Variants in NEB observed in about 807,000 individuals in gnomAD.
NEB encodes the protein nebulin.
Under a neutral mutation model 952.2 loss-of-function variants are expected in NEB, and 512 were observed. The observed-to-expected ratio is 0.54, with a 90% CI of 0.50 to 0.58. NEB has a LOEUF of 0.58. Among genes scored for constraint, NEB ranks in the 20% least tolerant of loss-of-function variants. NEB has a pLI of 0.00. For synonymous variants in NEB, 2,900 were observed against 3,149.8 expected (o/e 0.92, Z 2.66); for missense variants, 8,428 against 9,231.1 (o/e 0.91, Z 3.56).
intron 133 of NEB, 63 bp from the exon 134 acceptor site, chr2:151,546,506 A>G (rs1299155534): frequency 2.7e-5 from 27 of 992,004 alleles, no homozygotes; most frequent in Non-Finnish European, 4.2e-5. Context: ...AACACAAAAG[A>G]TGGAGTAGCA....
intron 28 of NEB, among the ~76,000 whole-genome samples, chr2:151,683,866 T>C (rs1457393920): frequency 6.6e-6 from 1 of 152,254 alleles, no homozygotes; most frequent in East Asian, 1.9e-4. Context: ...ATCGATACAA[T>C]AGAATATTAT....
chr2:151,716,866 C>T (rs992922198), intron 10 of NEB, among the ~76,000 whole-genome samples: 2 of 152,216 alleles, frequency 1.3e-5, no homozygotes, highest in African/African-American at 4.8e-5. Flanking sequence ...ATCAGCTAAG[C>T]ATCTGTCTCT....
Position 151,547,476 on chromosome 2 carries a change from T to C in NEB, c.20320A>G (p.Thr6774Ala). ...TAGCGGCAATGGATCACTTGGGGTG[T>C]GTATGGCAGAGAGATCATGTGGCCC... Reference protein sequence around the residue: ...MQGHMISLPYTPQVIHCRYVG... With the variant: ...MQGHMISLPYAPQVIHCRYVG... Residue 6774 changes from threonine (T) to alanine (A), a missense_variant, in exon 133 of 182, where the codon ACA (threonine) becomes GCA (alanine). Around this residue, in one of 11 missense-constraint regions of NEB, gnomAD observed 3,374 missense variants for 3,651.5 expected, o/e 0.92. Coordinates refer to ENST00000397345, the MANE Select transcript of NEB (RefSeq NM_001164508.2). 2 of 1,607,774 alleles carry C rather than the reference T, an allele frequency of 1.2e-6. No individual in the cohort carries two copies. The highest frequency in any genetic ancestry group is 2.2e-5 in the East Asian group (1 of 44,654).
chr2:151,670,683 A>G (rs1389817820), intron 38 of NEB, among the ~76,000 whole-genome samples: 1 of 152,232 alleles, frequency 6.6e-6, no homozygotes, highest in East Asian at 1.9e-4. Context: ...TGCAACCAAG[A>G]GCAATAAATA....
chr2:151,662,693 C>A (rs1284883066), intron 45 of NEB, among the ~76,000 whole-genome samples: 2 of 152,268 alleles, frequency 1.3e-5, no homozygotes, highest in South Asian at 2.1e-4. Context: ...ACTATGCTGA[C>A]CTTTCTTATA....
At chr2:151,576,485 C>CATATATATATATATATATATAT (rs1167680131) in intron 105 of NEB, 131 bp from the exon 106 acceptor site, 2 of 54,188 alleles carry the variant, frequency 3.7e-5, no homozygotes, top group African/African-American at 1.7e-4. Context: ...AACATAAATA[C>CATATATATATATATATATATAT]ATATATATAT....
At chr2:151,518,807 G>A (rs2079868291) in intron 155 of NEB, among the ~76,000 whole-genome samples, 158 bp downstream of exon 155, 1 of 152,176 alleles carries the variant, frequency 6.6e-6, no homozygotes, top group African/African-American at 2.4e-5. Flanking sequence ...AGAATTGGTA[G>A]ATTAATGTTG....
chr2:151,660,491 T>C (rs760602745), intron 46 of NEB, among the ~76,000 whole-genome samples: 1 of 152,232 alleles, frequency 6.6e-6, no homozygotes, highest in Non-Finnish European at 1.5e-5. Flanking sequence ...GAAACTCCCT[T>C]ACAGATATTG....
intron 67 of NEB, among the ~76,000 whole-genome samples, chr2:151,629,937 G>T (rs1377390225): frequency 6.6e-6 from 1 of 151,478 alleles, no homozygotes; most frequent in Admixed American, 6.6e-5. Context: ...TATCAGCATA[G>T]ATCAATACAA....
In NEB at chr2:151,570,139, C is replaced by T. The variant is rs780600292; in HGVS notation, c.17372G>A (p.Cys5791Tyr). ...AATCACATCGTTCTGGTCGGGCATG[C>T]AGGTCCACTGGTGCAGGTAATTGCG... ...DYRNYLHQWT[C>Y]MPDQNDVIQA... Residue 5791 changes from cysteine to tyrosine, a missense_variant, in exon 109 of 182, where the codon TGC (cysteine) becomes TAC (tyrosine). Cys to Tyr is a radical substitution (Grantham distance 194, BLOSUM62 -2). Coordinates refer to ENST00000397345, the MANE Select transcript of NEB (RefSeq NM_001164508.2). 3 of 1,613,006 alleles carry T rather than the reference C, an allele frequency of 1.9e-6. No homozygotes were observed. In the African/African-American group the frequency reaches 4.0e-5, roughly 22 times the overall value.
intron 5 of NEB, among the ~76,000 whole-genome samples, chr2:151,725,765 A>G (rs927242785): frequency 1.3e-5 from 2 of 152,232 alleles, no homozygotes; most frequent in African/African-American, 2.4e-5. Context: ...GATCTTGGAG[A>G]CAATGCAAAT....
intron 129 of NEB, among the ~76,000 whole-genome samples, chr2:151,550,950 T>A (rs867589880): frequency 6.9e-6 from 1 of 144,598 alleles, no homozygotes; most frequent in African/African-American, 2.5e-5. Context: ...TGGCCAAAAT[T>A]ATTATTATTA....
rs373276952 is a variant in NEB, at chr2:151,546,381, A to G, written c.20430T>C (p.Pro6810=). 3 of 1,613,466 alleles carry G rather than the reference A, an allele frequency of 1.9e-6. No homozygotes were observed. The African/African-American group carries it at 4.0e-5, about 22-fold the overall frequency. ...KGFGCFLYDT[P]DMVRSRHLRK... ...GCAGGTGCCGGGAGCGGACCATGTC[A>G]GGAGTGTCATACAGGAAGCAGCCAA... The change falls in exon 134 of 182, where the codon CCT becomes CCC. Residue 6810 remains proline, a synonymous_variant. Transcript: ENST00000397345.
Position 151,705,218 on chromosome 2 carries a change from C to T in NEB, c.1152+1663G>A, listed in dbSNP as rs569013971. Among the ~76,000 whole-genome samples the T allele has an allele frequency of 2.6e-5, 4 of 152,196 alleles. No homozygotes were observed. In the East Asian group the frequency reaches 7.7e-4, roughly 29 times the overall value. On this transcript the variant is annotated intron_variant, in intron 13 of 181. Coordinates refer to ENST00000397345, the MANE Select transcript of NEB (RefSeq NM_001164508.2). ...GTACTAAGAGTTACTACTAACTCTT[C>T]TTCTCTGCCAGGATTTACCTTTAGC...
chr2:151,494,040 G>A (rs2058513809), intron 174 of NEB, 121 bp downstream of exon 174: 3 of 953,466 alleles, frequency 3.1e-6, no homozygotes, highest in Non-Finnish European at 4.9e-6. Context: ...GTGATATTTA[G>A]AGCAGATGCA....
rs1180379324 is a variant in NEB at position 151,564,071 on chromosome 2, C to T, written c.18472-141G>A. ...TTATCTATAGCCATTAGTGCATCTA[C>T]CTAGAATAGGGCAGTTATTTGGTTT... On this transcript the variant is annotated intron_variant, in intron 117 of 181. Coordinates refer to ENST00000397345, the MANE Select transcript of NEB (RefSeq NM_001164508.2). The T allele has an allele frequency of 3.5e-5, 20 of 566,682 alleles. No individual in the cohort carries two copies. In the East Asian group the frequency reaches 5.7e-4, roughly 16 times the overall value. The allele number at this position is 566,682 out of a possible 1,614,324, so 35.1% of individuals were successfully genotyped here. A position where few individuals can be genotyped will look rare whatever the true frequency, so the allele number is the denominator to read the frequency against.
intron 8 of NEB, 67 bp from the exon 9 acceptor site, chr2:151,723,553 G>A: frequency 8.6e-7 from 1 of 1,159,496 alleles, no homozygotes; most frequent in Non-Finnish European, 1.3e-6. Context: ...ACATAGTTTT[G>A]AATTCATCCA....
chr2:151,491,344 C>T (rs564221677), intron 179 of NEB: 1 of 210,696 alleles, frequency 4.7e-6, no homozygotes, highest in Non-Finnish European at 9.7e-6. Flanking sequence ...TCAGGAAGTT[C>T]CTACAGGTCA....
chr2:151,674,402 G>GT (rs2099341219), intron 36 of NEB, 75 bp downstream of exon 36: 8 of 1,079,138 alleles, frequency 7.4e-6, no homozygotes, highest in Admixed American at 7.3e-5. Flanking sequence ...TTTCAATAAG[G>GT]TATCAATTTA....
Sources: gnomAD v4.1 joint callset for allele counts (sites outside exome capture counted in the v4.1 genomes callset) on GRCh38, gnomAD v4.1.1 for gene constraint, gnomAD v4.1.1 regional missense constraint, MANE v1.5 for transcripts, NCBI Gene and HGNC (gene_info 2026-07-23, HGNC 2026-07-21) for gene names.